Variants in TPRG1 observed in about 807,000 individuals in gnomAD.
TPRG1 encodes the protein tumor protein p63 regulated 1.
TPRG1 carries 29 observed loss-of-function variants against 29.3 expected under a neutral mutation model. The ratio of observed to expected loss-of-function variants is 0.99; its 90% CI spans 0.74 to 1.35. TPRG1 has a LOEUF of 1.35. Ranked by LOEUF, TPRG1 falls within the 40% of genes most tolerant of loss-of-function variation. The pLI, the probability that TPRG1 is intolerant of heterozygous loss-of-function variation, is 0.00. For missense variants in TPRG1, 327 were observed against 335.0 expected, an observed-to-expected ratio of 0.98 and a Z score of 0.19; for synonymous variants, 130 against 116.8, an observed-to-expected ratio of 1.11 and a Z score of -0.73.
At chr3:189,258,616 C>T (rs945123489) in intron 4 of TPRG1, among the ~76,000 whole-genome samples, 18 of 152,200 alleles carry the variant, frequency 1.2e-4, no homozygotes, top group East Asian at 1.9e-4. Flanking sequence ...CGCCCCTTCC[C>T]CCAGGTGCTC....
chr3:189,038,794 C>A (rs1159760653), intron 4 of TPRG1, among the ~76,000 whole-genome samples: 10 of 129,768 alleles, frequency 7.7e-5, no homozygotes, highest in African/African-American at 2.5e-4. Context: ...GAGTAATTGG[C>A]AAAAAAAAAA....
At chr3:189,132,263 G>C (rs1287206064) in intron 2 of TPRG1, 1 of 152,070 alleles carries the variant, frequency 6.6e-6, no homozygotes, top group African/African-American at 2.4e-5. Flanking sequence ...GCAGGCCCAA[G>C]GGAATATTCA....
At chr3:189,204,947 TCACACACACA>T (rs35018569) in intron 1 of TPRG1, among the ~76,000 whole-genome samples, 5 of 147,064 alleles carry the variant, frequency 3.4e-5, no homozygotes, top group Admixed American at 6.8e-5. Flanking sequence ...TCTCTCTCTC[TCACACACACA>T]CACACACACA....
chr3:189,078,294 T>C (rs1430970619), intron 4 of TPRG1, among the ~76,000 whole-genome samples: 1 of 151,770 alleles, frequency 6.6e-6, no homozygotes, highest in East Asian at 1.9e-4. Flanking sequence ...TGTGCCACCA[T>C]GCTTGGCTAA....
At chr3:189,078,317 T>A (rs1452470355) in intron 4 of TPRG1, among the ~76,000 whole-genome samples, 1 of 151,954 alleles carries the variant, frequency 6.6e-6, no homozygotes, top group Non-Finnish European at 1.5e-5. Flanking sequence ...TTTGTATTTT[T>A]AGTAGAGATG....
At chr3:189,104,623 C>G (rs1367690204) in intron 1 of TPRG1, among the ~76,000 whole-genome samples, 3 of 151,684 alleles carry the variant, frequency 2.0e-5, no homozygotes, top group Admixed American at 6.6e-5. Flanking sequence ...GTTCAGAAGA[C>G]GAACAGAAAC....
rs534120420 is a variant in TPRG1, at chr3:189,187,298, T to A, written c.-10+15167T>A. Among the ~76,000 whole-genome samples, 1,241 of 146,196 alleles carry A rather than the reference T, an allele frequency of 8.5e-3. 20 individuals carry two copies. The highest frequency in any genetic ancestry group is 0.03 in the African/African-American group (1,198 of 39,304). On this transcript the variant is annotated intron_variant, in intron 1 of 5. Transcript: ENST00000345063. ...CCACCCCGGCCAAGTTCATCTAACT[T>A]TTTTTTGTTTGTTTTTTGTTTTTTT... is the stretch of plus-strand genomic sequence containing the variant.
intron 4 of TPRG1, among the ~76,000 whole-genome samples, chr3:189,047,656 T>G (rs1422402604): frequency 6.6e-6 from 1 of 152,258 alleles, no homozygotes; most frequent in African/African-American, 2.4e-5. Context: ...AGTCAATTAT[T>G]TGAAACCCTG....
At chr3:189,245,215 C>A (rs560074836) in intron 4 of TPRG1, among the ~76,000 whole-genome samples, 6 of 152,230 alleles carry the variant, frequency 3.9e-5, no homozygotes, top group African/African-American at 1.4e-4. Flanking sequence ...AGCCACTGCG[C>A]CCGGTTCATT....
chr3:189,009,993 T>C (rs915542850), intron 3 of TPRG1, among the ~76,000 whole-genome samples: 1 of 152,150 alleles, frequency 6.6e-6, no homozygotes, highest in Admixed American at 6.6e-5. Flanking sequence ...CCCTACCATG[T>C]GTTCATGTGT....
At chr3:189,308,685 C>T (rs1176427487) in intron 4 of TPRG1, among the ~76,000 whole-genome samples, 2 of 152,148 alleles carry the variant, frequency 1.3e-5, no homozygotes, top group Non-Finnish European at 2.9e-5. Context: ...TGAGGTTTCC[C>T]TAAGGTAAAA....
At chr3:189,166,822 C>A (rs1053950787) in intron 5 of TPRG1, among the ~76,000 whole-genome samples, 35 of 152,174 alleles carry the variant, frequency 2.3e-4, no homozygotes, top group African/African-American at 8.2e-4. Flanking sequence ...ATAGTTTCAT[C>A]TTACTGAGGT....
At chr3:189,050,531 G>A (rs549093408) in intron 4 of TPRG1, among the ~76,000 whole-genome samples, 1 of 152,206 alleles carries the variant, frequency 6.6e-6, no homozygotes, top group African/African-American at 2.4e-5. Flanking sequence ...CAATCCTTTT[G>A]ACACTATTCC....
chr3:189,057,848 A>G (rs200235748), intron 4 of TPRG1, among the ~76,000 whole-genome samples: 2 of 112,090 alleles, frequency 1.8e-5, no homozygotes, highest in African/African-American at 5.7e-5. Context: ...GTATGTGTGT[A>G]TATATATACA....
At chr3:189,190,284 G>C (rs953655917) in intron 1 of TPRG1, among the ~76,000 whole-genome samples, 2 of 152,098 alleles carry the variant, frequency 1.3e-5, no homozygotes, top group African/African-American at 4.8e-5. Context: ...AAATTCTCTA[G>C]AGGCAAGAAT....
In TPRG1 at chr3:189,215,258, G is replaced by C. The variant is rs149282824; in HGVS notation, c.211-34G>C. ...CATAAGCGCGAAGTGGGCTAAGTCT[G>C]CTCTAAACTAGGTATTTTCTCCTTT... is the stretch of plus-strand genomic sequence containing the variant. On this transcript the variant is annotated intron_variant, in intron 2 of 5. Transcript: ENST00000345063. 5 of 1,578,574 alleles carry C rather than the reference G, an allele frequency of 3.2e-6. No homozygotes were observed. The East Asian group carries it at 6.8e-5, about 21-fold the overall frequency.
chr3:189,131,933 T>G (rs376894794), intron 2 of TPRG1, among the ~76,000 whole-genome samples: 1 of 152,306 alleles, frequency 6.6e-6, no homozygotes, highest in Non-Finnish European at 1.5e-5. Context: ...TTCAAAGGAA[T>G]ACTAACTAAG....
At chr3:189,036,646 G>A (rs1039066281) in intron 4 of TPRG1, among the ~76,000 whole-genome samples, 5 of 151,926 alleles carry the variant, frequency 3.3e-5, no homozygotes, top group South Asian at 2.1e-4. Context: ...CACCATATAC[G>A]TGACAACAGA....
At chr3:189,269,452 C>T (rs530106442) in intron 4 of TPRG1, among the ~76,000 whole-genome samples, 23 of 152,112 alleles carry the variant, frequency 1.5e-4, no homozygotes, top group South Asian at 4.2e-4. Flanking sequence ...TACTTAGGTG[C>T]GCCAGTTTAA....
Sources: allele counts gnomAD v4.1 joint callset (sites outside exome capture counted in the v4.1 genomes callset), GRCh38; gene constraint gnomAD v4.1.1; transcripts MANE v1.5; gene names NCBI Gene and HGNC (gene_info 2026-07-23, HGNC 2026-07-21).